Variants in DPP10 observed in about 807,000 individuals in gnomAD.
DPP10 encodes inactive dipeptidyl peptidase 10.
In DPP10, 33 loss-of-function variants were observed where a neutral mutation model predicts 120.9. The ratio of observed to expected loss-of-function variants is 0.27; its 90% CI spans 0.21 to 0.37. The LOEUF is 0.37. Among genes scored for constraint, DPP10 ranks in the 10% least tolerant of loss-of-function variants. The pLI is 1.00. For synonymous variants in DPP10, 337 were observed against 326.1 expected, an observed-to-expected ratio of 1.03 and a Z score of -0.36; for missense variants, 816 against 942.8, an observed-to-expected ratio of 0.87 and a Z score of 1.76.
intron 1 of DPP10, among the ~76,000 whole-genome samples, chr2:114,559,909 AAAAC>A (rs1412229360): frequency 2.6e-5 from 4 of 151,678 alleles, no homozygotes; most frequent in African/African-American, 4.8e-5. Context: ...AAAAAAAAAA[AAAAC>A]AAAGGAAGGA....
At chr2:115,300,381 A>G (rs1031538667) in intron 1 of DPP10, among the ~76,000 whole-genome samples, 3 of 152,044 alleles carry the variant, frequency 2.0e-5, no homozygotes, top group African/African-American at 7.2e-5. Flanking sequence ...AAGTTCATCT[A>G]TGTTGTAGCA....
chr2:115,447,051 G>A (rs563676450), intron 3 of DPP10, among the ~76,000 whole-genome samples: 7 of 152,312 alleles, frequency 4.6e-5, no homozygotes, highest in African/African-American at 7.2e-5. Context: ...GAGAACAGAC[G>A]CGGGGGTGGA....
intron 19 of DPP10, among the ~76,000 whole-genome samples, chr2:115,792,380 TTTA>T (rs1684083050): frequency 6.6e-6 from 1 of 152,094 alleles, no homozygotes; most frequent in Non-Finnish European, 1.5e-5. Context: ...CTGCATTTAT[TTTA>T]TTTAGATATT....
At chr2:114,801,771 C>T (rs1472322466) in intron 1 of DPP10, among the ~76,000 whole-genome samples, 2 of 152,172 alleles carry the variant, frequency 1.3e-5, no homozygotes, top group Non-Finnish European at 2.9e-5. Flanking sequence ...GCCAATTATT[C>T]GGCCTCATGT....
At chr2:115,158,135 T>G (rs2052045536) in intron 1 of DPP10, among the ~76,000 whole-genome samples, 1 of 152,244 alleles carries the variant, frequency 6.6e-6, no homozygotes, top group African/African-American at 2.4e-5. Context: ...AAATTTTGGT[T>G]CTTTGGTCCT....
chr2:115,558,548 G>A (rs577838182), intron 5 of DPP10, among the ~76,000 whole-genome samples: 12 of 152,204 alleles, frequency 7.9e-5, no homozygotes, highest in African/African-American at 2.6e-4. Context: ...GCAATCAGGG[G>A]CATCCTGAAC....
At position 114,498,535 on chromosome 2, in the gene DPP10, T is replaced by A. The variant is rs370822211; in HGVS notation, c.60+55697T>A. On this transcript the variant is annotated intron_variant, in intron 1 of 25. Transcript: ENST00000410059. ...GAAAAGAGATGTATTTGGCTCACAG[T>A]TCTGCAGGCTGGGAAGTCCAAGGTA... Among the ~76,000 whole-genome samples the A allele has an allele frequency of 7.2e-5, 11 of 152,330 alleles. 1 individual carries two copies. The East Asian group carries it at 1.3e-3, about 19-fold the overall frequency.
At chr2:114,775,702 C>G (rs1681664410) in intron 1 of DPP10, among the ~76,000 whole-genome samples, 1 of 152,140 alleles carries the variant, frequency 6.6e-6, no homozygotes, top group Non-Finnish European at 1.5e-5. Context: ...AAAGGTGAGT[C>G]AGGAAACATT....
chr2:115,736,251 C>T (rs901288459), intron 8 of DPP10, among the ~76,000 whole-genome samples: 1 of 152,096 alleles, frequency 6.6e-6, no homozygotes, highest in Non-Finnish European at 1.5e-5. Flanking sequence ...CCCCTTAGTG[C>T]CTAGATCTGT....
At chr2:114,740,634 C>T (rs1223649486) in intron 1 of DPP10, among the ~76,000 whole-genome samples, 1 of 152,108 alleles carries the variant, frequency 6.6e-6, no homozygotes, top group Admixed American at 6.6e-5. Flanking sequence ...TGTGGGCTAT[C>T]CCCTTCCAAT....
At chr2:115,215,206 TC>T (rs2056746903) in intron 1 of DPP10, among the ~76,000 whole-genome samples, 2 of 152,320 alleles carry the variant, frequency 1.3e-5, no homozygotes, top group African/African-American at 4.8e-5. Context: ...ACGTTGTGCT[TC>T]CATTTATGTG....
chr2:114,744,406 A>C (rs1175999033), intron 1 of DPP10, among the ~76,000 whole-genome samples: 1 of 152,240 alleles, frequency 6.6e-6, no homozygotes, highest in African/African-American at 2.4e-5. Context: ...GACAAAAATC[A>C]GTGAAGACTG....
At chr2:114,712,992 CTTTTT>C (rs70937300) in intron 1 of DPP10, among the ~76,000 whole-genome samples, 2 of 132,622 alleles carry the variant, frequency 1.5e-5, no homozygotes, top group African/African-American at 5.6e-5. Flanking sequence ...TAACCAAATT[CTTTTT>C]TTTTTTTTTT....
intron 1 of DPP10, among the ~76,000 whole-genome samples, chr2:114,928,008 G>A (rs1469385388): frequency 6.6e-6 from 1 of 152,136 alleles, no homozygotes; most frequent in Non-Finnish European, 1.5e-5. Context: ...AGGCATTAAG[G>A]TATTCACATA....
At chr2:115,268,922 GC>G (rs372470380) in intron 1 of DPP10, among the ~76,000 whole-genome samples, 1 of 151,848 alleles carries the variant, frequency 6.6e-6, no homozygotes, top group Non-Finnish European at 1.5e-5. Context: ...GGCCGAGGCG[GC>G]GGATCATGAG....
chr2:115,180,906 A>C (rs576732019), intron 1 of DPP10, among the ~76,000 whole-genome samples: 1 of 1,002 alleles, frequency 1.0e-3, no homozygotes, highest in East Asian at 0.026. Context: ...CCCTCCCTCC[A>C]TGCCTCCCTT....
chr2:114,485,984 G>T (rs763749846), intron 1 of DPP10, among the ~76,000 whole-genome samples: 28 of 152,068 alleles, frequency 1.8e-4, no homozygotes, highest in Non-Finnish European at 3.5e-4. Context: ...AAGTTAAAAA[G>T]GTTGCTTGTA....
At chr2:115,708,039 G>A (rs1009526084) in intron 7 of DPP10, among the ~76,000 whole-genome samples, 4 of 151,970 alleles carry the variant, frequency 2.6e-5, no homozygotes, top group Admixed American at 2.0e-4. Context: ...TTTCTGAAGT[G>A]TATGTCAGCA....
In DPP10 at chr2:114,632,503, GTTTTTTTTTTTTTTT is replaced by G. The variant is rs756591992; in HGVS notation, c.60+189677_60+189691del. The stretch of plus-strand genomic sequence containing the variant: ...ATAACTGTGTAACTATGGACTTAGG[GTTTTTTTTTTTTTTT>G]TTTTTTTTTTTGGAGAAGGAGTCTT... On this transcript the variant is annotated intron_variant, in intron 1 of 25. Transcript: ENST00000410059. Among the ~76,000 whole-genome samples, 98 of 88,632 alleles carry G rather than the reference GTTTTTTTTTTTTTTT, an allele frequency of 1.1e-3. 3 individuals carry two copies. The South Asian group carries it at 0.028, about 25-fold the overall frequency. 58.1% of individuals were successfully genotyped at this position (88,632 alleles called of 152,430 possible). A position where few individuals can be genotyped will look rare whatever the true frequency, so the allele number is the denominator to read the frequency against.
Sources: gnomAD v4.1 joint callset for allele counts (sites outside exome capture counted in the v4.1 genomes callset) on GRCh38, gnomAD v4.1.1 for gene constraint, MANE v1.5 for transcripts, NCBI Gene and HGNC (gene_info 2026-07-23, HGNC 2026-07-21) for gene names.